ZNF195: variants seen among roughly 807,000 people sequenced by gnomAD.
ZNF195 encodes the protein hypoxia-regulated factor-1.
In ZNF195, 11 loss-of-function variants were observed where a neutral mutation model predicts 19.5. The observed-to-expected ratio is 0.57, with a 90% CI of 0.36 to 0.94. The LOEUF (loss-of-function observed/expected upper bound fraction) is 0.94, where lower values mean the gene tolerates loss of function less well. Ranked by LOEUF, ZNF195 falls within the 40% of genes least tolerant of loss-of-function variation. The pLI is 0.01. For missense variants in ZNF195, 582 were observed against 709.0 expected (o/e 0.82, Z 2.03); for synonymous variants, 214 against 248.1 (o/e 0.86, Z 1.29).
intron 1 of ZNF195, among the ~76,000 whole-genome samples, chr11:3,378,396 C>T (rs1192949483): frequency 2.6e-5 from 4 of 151,920 alleles, no homozygotes; most frequent in Non-Finnish European, 4.4e-5. Context: ...AAATCTAACT[C>T]AGATGCGTTT....
chr11:3,366,612 G>C (rs531019836), intron 3 of ZNF195: 1 of 153,020 alleles, frequency 6.5e-6, no homozygotes, highest in Non-Finnish European at 1.5e-5. Flanking sequence ...TATCTATAGA[G>C]AAATGCAAAA....
Position 3,371,674 on chromosome 11 carries a change from T to C in ZNF195, c.33A>G (p.Ile11Met). The C allele has an allele frequency of 6.2e-7, 1 of 1,612,316 alleles. No individual in the cohort carries two copies. Among genetic ancestry groups the C allele is most frequent in the Non-Finnish European group, 8.5e-7 (1 of 1,178,748 alleles). MTLLTFRDVA[I>M]EFSLEEWKCL... ...ATTTCCACTCCTCCAGGGAGAATTC[T>C]ATGGCCACATCCCTGAACGTCAACA... is the stretch of plus-strand genomic sequence containing the variant. The change falls in exon 2 of 6, where the codon ATA becomes ATG. Residue 11 changes from isoleucine (I) to methionine (M), a missense_variant. By Grantham distance (10) the Ile-to-Met change is conservative. Transcript: ENST00000399602.
At chr11:3,374,708 A>AT (rs1564928565) in intron 1 of ZNF195, among the ~76,000 whole-genome samples, 1 of 152,142 alleles carries the variant, frequency 6.6e-6, no homozygotes, top group Non-Finnish European at 1.5e-5. Context: ...TTCCTCTTCT[A>AT]TTTTCCTATC....
Position 3,358,960 on chromosome 11 carries a change from G to T in ZNF195, c.*158C>A. Reference sequence around the variant, plus strand: ...TATAATTGTAACATTTTTTTCAGAAGAAATACTCTTGTGTGCTCTGGAGAC... The same window carrying T: ...TATAATTGTAACATTTTTTTCAGAATAAATACTCTTGTGTGCTCTGGAGAC... On this transcript the variant is annotated 3_prime_UTR_variant, in exon 6 of 6. Coordinates refer to ENST00000399602, the MANE Select transcript of ZNF195 (RefSeq NM_001130520.3). 2 of 1,000,758 alleles carry T rather than the reference G, an allele frequency of 2.0e-6. No homozygotes were observed. The highest frequency in any genetic ancestry group is 2.6e-6 in the Non-Finnish European group (2 of 762,886). 62.0% of individuals were successfully genotyped at this position (1,000,758 alleles called of 1,614,324 possible). A position where few individuals can be genotyped will look rare whatever the true frequency, so the allele number is the denominator to read the frequency against.
At chr11:3,376,156 T>A (rs773787002) in intron 1 of ZNF195, among the ~76,000 whole-genome samples, 1 of 151,944 alleles carries the variant, frequency 6.6e-6, no homozygotes, top group Non-Finnish European at 1.5e-5. Context: ...GGGTCCCCAG[T>A]GCTCCCGGGC....
At position 3,359,007 on chromosome 11, in the gene ZNF195, T is replaced by G; in HGVS notation, c.*111A>C. ...AGACTTATATTTCATGAAAGGTCTT[T>G]CAATAGTAATTACATTTATGATAAC... On this transcript the variant is annotated 3_prime_UTR_variant, in exon 6 of 6. Coordinates refer to ENST00000399602, the MANE Select transcript of ZNF195 (RefSeq NM_001130520.3). This position sits in a 1 kb window ranked among gnomAD's most constrained non-coding sequence, Gnocchi z 5.5. 1 of 1,310,012 alleles carries G rather than the reference T, an allele frequency of 7.6e-7. No individual in the cohort carries two copies. Among genetic ancestry groups the G allele is most frequent in the South Asian group, 2.3e-5 (1 of 44,080 alleles). The allele number at this position is 1,310,012 out of a possible 1,614,324, so 81.1% of individuals were successfully genotyped here. A position where few individuals can be genotyped will look rare whatever the true frequency, so the allele number is the denominator to read the frequency against.
rs763380729 is a variant in ZNF195, at chr11:3,360,523, C to T, written c.485G>A (p.Gly162Asp). Residue 162 changes from glycine to aspartate, a missense_variant, in exon 6 of 6, where the codon GGC becomes GAC. Physicochemically the swap from Gly to Asp is moderately conservative, Grantham distance 94. This residue lies in a region of ZNF195 where 129 missense variants were observed against 112.1 expected (regional missense o/e 1.15). Coordinates refer to ENST00000399602, the MANE Select transcript of ZNF195 (RefSeq NM_001130520.3). ...HFTQDLLPEQ[G>D]IQDAFPKRIL... The stretch of plus-strand genomic sequence containing the variant: ...TCTTTTTGGGAATGCATCTTGTATG[C>T]CCTGCTCTGGCAGAAGGTCTTGGGT... 1 of 1,599,892 alleles carries T rather than the reference C, an allele frequency of 6.3e-7. No individual in the cohort carries two copies. The highest frequency in any genetic ancestry group is 8.5e-7 in the Non-Finnish European group (1 of 1,176,960).
At chr11:3,377,577 T>G in intron 1 of ZNF195, 2 of 1,101,840 alleles carry the variant, frequency 1.8e-6, no homozygotes, top group Non-Finnish European at 2.3e-6. Context: ...GATTGAAAGT[T>G]GGGTTGGGTG....
intron 2 of ZNF195, 111 bp from the exon 3 acceptor site, chr11:3,371,181 A>C (rs1849190649): frequency 2.0e-6 from 2 of 1,024,466 alleles, no homozygotes; most frequent in Admixed American, 2.7e-5. Context: ...AATTAATCCC[A>C]AAATTATGCT....
intron 4 of ZNF195, 76 bp from the exon 5 acceptor site, chr11:3,360,864 C>G: frequency 1.1e-5 from 15 of 1,327,638 alleles, no homozygotes; most frequent in Middle Eastern, 3.7e-4. Context: ...AGTATAGCAT[C>G]ATGCCTTTAA....
At position 3,361,725 on chromosome 11, in the gene ZNF195, A is replaced by G. The variant is rs756779596; in HGVS notation, c.373+18T>C. ...AAGCAGCAAGTGAAAAGCAAGGTAC[A>G]TGCTCTTAGGAGATTACCAGTGAAT... is the stretch of plus-strand genomic sequence containing the variant. On this transcript the variant is annotated intron_variant, in intron 4 of 5. Coordinates refer to ENST00000399602, the MANE Select transcript of ZNF195 (RefSeq NM_001130520.3). 7.7e-7 allele frequency: 1 copy of G among 1,302,048 alleles called. No homozygotes were observed. The highest frequency in any genetic ancestry group is 1.2e-5 in the South Asian group (1 of 80,858). The allele number at this position is 1,302,048 out of a possible 1,614,324, so 80.7% of individuals were successfully genotyped here.
At position 3,378,535 on chromosome 11, in the gene ZNF195, C is replaced by T. The variant is rs145402804; in HGVS notation, c.3+503G>A. ...GAAATCAGGAGATGACGTAACTGTA[C>T]CGAACTAATGAATGAATGTGGTTTG... is the stretch of plus-strand genomic sequence containing the variant. On this transcript the variant is annotated intron_variant, in intron 1 of 5. Transcript: ENST00000399602. 3.8e-3 allele frequency among the ~76,000 whole-genome samples: 585 copies of T among 152,274 alleles called. 1 individual carries two copies. The highest frequency in any genetic ancestry group is 6.3e-3 in the Admixed American group (96 of 15,306).
chr11:3,367,250 G>A (rs1848941939), intron 3 of ZNF195: 1 of 170,466 alleles, frequency 5.9e-6, no homozygotes, highest in Non-Finnish European at 1.3e-5. Flanking sequence ...CTCAAGTGAT[G>A]AACACACAGA....
At chr11:3,367,281 C>T (rs528609620) in intron 3 of ZNF195, among the ~76,000 whole-genome samples, 1 of 151,952 alleles carries the variant, frequency 6.6e-6, no homozygotes, top group South Asian at 2.1e-4. Flanking sequence ...TATATACATA[C>T]AAGGAATATT....
intron 1 of ZNF195, chr11:3,373,813 T>A (rs1849328496): frequency 5.2e-6 from 3 of 572,258 alleles, no homozygotes; most frequent in African/African-American, 1.9e-5. Context: ...TACATGGAGA[T>A]CAAAATGTGA....
Position 3,359,137 on chromosome 11 carries a change from T to G in ZNF195, c.1871A>C (p.His624Pro). ...TTTTTCTCAAGTATGAATGCTTTCA[T>G]GTACAGTCAGGTGTGAGAACTGGGT... ...AFTQFSHLTV[H>P]ESIHT is the part of the protein sequence containing the mutation. The change falls in exon 6 of 6, where the codon CAT (histidine) becomes CCT (proline). Residue 624 changes from histidine (H) to proline (P), a missense_variant. Physicochemically the swap from His to Pro is moderately conservative, Grantham distance 77. Around this residue, in one of 3 missense-constraint regions of ZNF195, gnomAD observed 407 missense variants for 530.5 expected, o/e 0.77. Transcript: ENST00000399602. The surrounding 1 kb of genome is among the most constrained non-coding windows in gnomAD (Gnocchi z 5.5). 1.9e-6 allele frequency: 3 copies of G among 1,573,908 alleles called. No individual in the cohort carries two copies. The highest frequency in any genetic ancestry group is 2.6e-6 in the Non-Finnish European group (3 of 1,163,592).
At chr11:3,376,704 TTAAC>T (rs1849485341) in intron 1 of ZNF195, among the ~76,000 whole-genome samples, 2 of 152,262 alleles carry the variant, frequency 1.3e-5, no homozygotes, top group Non-Finnish European at 2.9e-5. Flanking sequence ...AACTTGTCAT[TTAAC>T]TATTTCCATA....
At chr11:3,366,194 G>C (rs1395621339) in intron 3 of ZNF195, among the ~76,000 whole-genome samples, 4 of 145,730 alleles carry the variant, frequency 2.7e-5, no homozygotes, top group Admixed American at 7.2e-5. Flanking sequence ...AACCCAGGAG[G>C]CAGAGCTTGC....
At chr11:3,378,869 G>A (rs1022469526) in intron 1 of ZNF195, among the ~76,000 whole-genome samples, 169 bp downstream of exon 1, 7 of 152,202 alleles carry the variant, frequency 4.6e-5, no homozygotes, top group Admixed American at 3.3e-4. Flanking sequence ...AAGCCGCTCT[G>A]CAGGGATGCG....
Sources: gnomAD v4.1 joint callset for allele counts (sites outside exome capture counted in the v4.1 genomes callset) on GRCh38, gnomAD v4.1.1 for gene constraint, gnomAD v4.1.1 regional missense constraint, Gnocchi (gnomAD v3.1) non-coding constraint, MANE v1.5 for transcripts, NCBI Gene and HGNC (gene_info 2026-07-23, HGNC 2026-07-21) for gene names.